Variants in TBC1D5 observed in about 807,000 individuals in gnomAD.
TBC1D5 encodes TBC1 domain family member 5, also known as TBC1 domain family, member 5.
In TBC1D5, 75 loss-of-function variants were observed where a neutral mutation model predicts 100.3. The ratio of observed to expected loss-of-function variants is 0.75; its 90% CI spans 0.62 to 0.91. The LOEUF is 0.91. TBC1D5 is among the 40% of genes least tolerant of loss of function. The pLI is 0.00. For synonymous variants in TBC1D5, 323 were observed against 325.6 expected, an observed-to-expected ratio of 0.99 and a Z score of 0.09; for missense variants, 910 against 942.4, an observed-to-expected ratio of 0.97 and a Z score of 0.45.
At chr3:17,444,450 A>T (rs1471904726) in intron 3 of TBC1D5, among the ~76,000 whole-genome samples, 1 of 152,122 alleles carries the variant, frequency 6.6e-6, no homozygotes, top group Non-Finnish European at 1.5e-5. Flanking sequence ...AGAAATTTTA[A>T]CTGGCTACAT....
intron 1 of TBC1D5, among the ~76,000 whole-genome samples, chr3:17,664,088 G>A (rs981629522): frequency 6.6e-6 from 1 of 152,080 alleles, no homozygotes; most frequent in African/African-American, 2.4e-5. Context: ...TTGTTTTCCT[G>A]AGATGGAGTC....
chr3:17,589,205 G>C (rs1223055731), intron 2 of TBC1D5, among the ~76,000 whole-genome samples: 1 of 152,098 alleles, frequency 6.6e-6, no homozygotes, highest in African/African-American at 2.4e-5. Flanking sequence ...GTAAACATGG[G>C]GGTCTCACTT....
intron 1 of TBC1D5, among the ~76,000 whole-genome samples, chr3:17,712,871 G>C (rs1041482721): frequency 2.6e-5 from 4 of 152,164 alleles, no homozygotes; most frequent in Non-Finnish European, 4.4e-5. Context: ...GTAATTCTGA[G>C]AGCAGATACC....
At chr3:17,440,888 C>T (rs188243344) in intron 3 of TBC1D5, among the ~76,000 whole-genome samples, 112 of 152,190 alleles carry the variant, frequency 7.4e-4, no homozygotes, top group South Asian at 6.4e-3. Context: ...GTAATCCACC[C>T]GCCTTTGCCT....
intron 15 of TBC1D5, among the ~76,000 whole-genome samples, chr3:17,289,157 T>C (rs283914): frequency 0.47 from 70,700 of 151,922 alleles, 17,225 homozygotes; most frequent in African/African-American, 0.55. Flanking sequence ...CCGCATGGAG[T>C]CTGCGTCTGT....
At chr3:17,277,883 C>T (rs1312819113) in intron 15 of TBC1D5, among the ~76,000 whole-genome samples, 1 of 152,158 alleles carries the variant, frequency 6.6e-6, no homozygotes, top group African/African-American at 2.4e-5. Flanking sequence ...CATCAGGCCT[C>T]AGGAGGAAAT....
At chr3:17,539,035 T>C (rs2096317486) in intron 2 of TBC1D5, among the ~76,000 whole-genome samples, 1 of 151,940 alleles carries the variant, frequency 6.6e-6, no homozygotes, top group Admixed American at 6.6e-5. Flanking sequence ...TACAAAAAAT[T>C]AGCCAGGCAT....
At chr3:17,618,085 G>A (rs2153639727) in intron 2 of TBC1D5, among the ~76,000 whole-genome samples, 1 of 152,300 alleles carries the variant, frequency 6.6e-6, no homozygotes, top group South Asian at 2.1e-4. Flanking sequence ...TGGGGTTTTG[G>A]TGTAGATGTC....
intron 16 of TBC1D5, among the ~76,000 whole-genome samples, chr3:17,250,274 G>A (rs948521984): frequency 6.6e-6 from 1 of 152,136 alleles, no homozygotes; most frequent in Non-Finnish European, 1.5e-5. Flanking sequence ...CCATATCATT[G>A]CTAATCTTGC....
At chr3:17,403,221 T>C (rs1212259964) in exon 8 of TBC1D5, 2 of 1,592,090 alleles carry the variant, frequency 1.3e-6, no homozygotes, top group Non-Finnish European at 8.6e-7. Flanking sequence ...CGAAGTTCTT[T>C]ATCTTGGAAG....
At chr3:17,628,953 G>C (rs1260486981) in intron 1 of TBC1D5, among the ~76,000 whole-genome samples, 1 of 152,190 alleles carries the variant, frequency 6.6e-6, no homozygotes, top group Non-Finnish European at 1.5e-5. Context: ...ACAGCACACG[G>C]AGTGTAAAAC....
intron 15 of TBC1D5, among the ~76,000 whole-genome samples, chr3:17,288,305 G>A (rs1020745080): frequency 2.6e-5 from 4 of 152,126 alleles, no homozygotes; most frequent in African/African-American, 9.7e-5. Context: ...GTTGGACCTC[G>A]TTAGTTCATT....
intron 9 of TBC1D5, among the ~76,000 whole-genome samples, chr3:17,382,017 T>C (rs1341799770): frequency 6.6e-6 from 1 of 152,038 alleles, no homozygotes; most frequent in Non-Finnish European, 1.5e-5. Flanking sequence ...ACTGTCACAT[T>C]AGTTTGATCA....
intron 10 of TBC1D5, among the ~76,000 whole-genome samples, chr3:17,375,442 C>T (rs950934031): frequency 1.3e-5 from 2 of 152,004 alleles, no homozygotes; most frequent in Admixed American, 6.6e-5. Flanking sequence ...TGGTGCCCGC[C>T]TGTAGTCTCA....
chr3:17,515,153 C>T (rs750983905), intron 2 of TBC1D5, among the ~76,000 whole-genome samples: 4 of 152,046 alleles, frequency 2.6e-5, no homozygotes, highest in Non-Finnish European at 4.4e-5. Context: ...CAAATGGCTA[C>T]TCTTCATACA....
intron 9 of TBC1D5, among the ~76,000 whole-genome samples, chr3:17,381,706 G>C (rs936408836): frequency 6.6e-6 from 1 of 151,850 alleles, no homozygotes; most frequent in Non-Finnish European, 1.5e-5. Context: ...TTAGTCTTTC[G>C]ACTTTTTATC....
chr3:17,721,206 G>T (rs1312735207), intron 1 of TBC1D5, among the ~76,000 whole-genome samples: 2 of 151,760 alleles, frequency 1.3e-5, no homozygotes, highest in South Asian at 2.1e-4. Flanking sequence ...ACTATAAAAA[G>T]AAAAATCTAG....
At chr3:17,524,259 A>T (rs548216411) in intron 2 of TBC1D5, among the ~76,000 whole-genome samples, 1 of 152,346 alleles carries the variant, frequency 6.6e-6, no homozygotes, top group African/African-American at 2.4e-5. Flanking sequence ...AATGCAAAAT[A>T]AAAAAGGTAG....
At chr3:17,632,453 G>A (rs765580146) in intron 1 of TBC1D5, among the ~76,000 whole-genome samples, 38 of 152,224 alleles carry the variant, frequency 2.5e-4, no homozygotes, top group Non-Finnish European at 5.1e-4. Flanking sequence ...TGATAAAGCA[G>A]TAGCAGAGTT....
Sources: gnomAD v4.1 joint callset for allele counts (sites outside exome capture counted in the v4.1 genomes callset) on GRCh38, gnomAD v4.1.1 for gene constraint, MANE v1.5 for transcripts, NCBI Gene and HGNC (gene_info 2026-07-23, HGNC 2026-07-21) for gene names.